NAV3: variants seen among roughly 807,000 people sequenced by gnomAD.
NAV3 encodes neuron navigator 3.
A neutral mutation model predicts 244.7 loss-of-function variants in NAV3; 87 were observed. The ratio of observed to expected loss-of-function variants is 0.36; its 90% CI spans 0.30 to 0.42. The LOEUF is 0.42. Among genes scored for constraint, NAV3 ranks in the 20% least tolerant of loss-of-function variants. The pLI is 1.00. For synonymous variants in NAV3, 1,126 were observed against 1,042.2 expected, an observed-to-expected ratio of 1.08 and a Z score of -1.55; for missense variants, 2,663 against 2,893.3, an observed-to-expected ratio of 0.92 and a Z score of 1.83.
chr12:77,631,415 C>T (rs1427006935), intron 2 of NAV3, among the ~76,000 whole-genome samples: 1 of 150,944 alleles, frequency 6.6e-6, no homozygotes, highest in Non-Finnish European at 1.5e-5. Flanking sequence ...ATCAGTGTTG[C>T]TTTAATTTGT....
intron 23 of NAV3, among the ~76,000 whole-genome samples, chr12:78,164,043 G>A (rs1474654471): frequency 6.6e-6 from 1 of 152,044 alleles, no homozygotes; most frequent in African/African-American, 2.4e-5. Context: ...AGTTGAGAAA[G>A]GCTCAACTTC....
chr12:78,031,353 T>G (rs1256339456), intron 9 of NAV3, among the ~76,000 whole-genome samples: 1 of 152,148 alleles, frequency 6.6e-6, no homozygotes, highest in East Asian at 1.9e-4. Context: ...GGGAGAATTC[T>G]CTGCTCATGT....
intron 4 of NAV3, among the ~76,000 whole-genome samples, chr12:77,966,580 A>G (rs1892537336): frequency 6.6e-6 from 1 of 152,130 alleles, no homozygotes; most frequent in South Asian, 2.1e-4. Flanking sequence ...ACTAGTTTAT[A>G]GTATAATTAG....
intron 20 of NAV3, among the ~76,000 whole-genome samples, chr12:78,140,771 G>A (rs988311123): frequency 3.3e-5 from 5 of 151,886 alleles, no homozygotes; most frequent in African/African-American, 2.4e-5. Flanking sequence ...GAGGATTATC[G>A]AAGGGTAAAA....
At chr12:77,895,738 GTT>G (rs11437920) in intron 1 of NAV3, among the ~76,000 whole-genome samples, 5 of 128,000 alleles carry the variant, frequency 3.9e-5, no homozygotes, top group Non-Finnish European at 8.4e-5. Flanking sequence ...GTACCCTCTT[GTT>G]TTTTTTTTTT....
rs1877945133 is a variant in NAV3 at position 77,853,904 on chromosome 12, ATAT to A, written c.243+22204_243+22206del. On this transcript the variant is annotated intron_variant, in intron 1 of 39. Coordinates refer to ENST00000397909, the MANE Select transcript of NAV3 (RefSeq NM_001024383.2). Reference sequence around the variant, plus strand: ...TTTTGTTCACTTATCTATTCAACACATATTATATGAATCCTATGACTTCTAAGT... The same window carrying A: ...TTTTGTTCACTTATCTATTCAACACATATATGAATCCTATGACTTCTAAGT... Among the ~76,000 whole-genome samples the A allele has an allele frequency of 3.3e-5, 5 of 152,208 alleles. No individual in the cohort carries two copies. The South Asian group carries it at 1.0e-3, about 32-fold the overall frequency.
At chr12:77,736,008 A>T (rs773219024) in intron 2 of NAV3, among the ~76,000 whole-genome samples, 4 of 152,216 alleles carry the variant, frequency 2.6e-5, no homozygotes, top group African/African-American at 4.8e-5. Context: ...ACTTGTTAAC[A>T]TGTCAAATAA....
At chr12:77,755,595 C>T (rs1361130076) in intron 2 of NAV3, among the ~76,000 whole-genome samples, 1 of 38,860 alleles carries the variant, frequency 2.6e-5, no homozygotes, top group Non-Finnish European at 4.5e-5. Flanking sequence ...CCCTCCCTCC[C>T]TCCCTCCCTC....
intron 12 of NAV3, among the ~76,000 whole-genome samples, chr12:78,076,023 A>G (rs746342998): frequency 5.3e-5 from 8 of 152,104 alleles, no homozygotes; most frequent in Non-Finnish European, 1.2e-4. Context: ...TTACCTCTTA[A>G]CATGCTTACT....
intron 12 of NAV3, among the ~76,000 whole-genome samples, chr12:78,088,437 C>G (rs1028764891): frequency 8.6e-5 from 13 of 151,978 alleles, no homozygotes; most frequent in Non-Finnish European, 1.8e-4. Context: ...GAGGGAAGAC[C>G]CAGTGATCAC....
intron 2 of NAV3, among the ~76,000 whole-genome samples, chr12:77,779,050 G>A (rs1245805596): frequency 6.6e-6 from 1 of 152,202 alleles, no homozygotes; most frequent in Non-Finnish European, 1.5e-5. Flanking sequence ...GTGCGACTCT[G>A]TAAATGTGAA....
At chr12:78,112,950 T>C (rs1419759182) in intron 12 of NAV3, among the ~76,000 whole-genome samples, 1 of 152,140 alleles carries the variant, frequency 6.6e-6, no homozygotes, top group Non-Finnish European at 1.5e-5. Flanking sequence ...AGTCATTGGG[T>C]AAATACACAG....
Position 78,031,035 on chromosome 12 carries a change from G to A in NAV3, c.2023+9173G>A, listed in dbSNP as rs191993562. 2.2e-3 allele frequency among the ~76,000 whole-genome samples: 328 copies of A among 152,270 alleles called. 4 individuals are homozygous for A. The highest frequency in any genetic ancestry group is 1.3e-3 in the Non-Finnish European group (91 of 68,018). On this transcript the variant is annotated intron_variant, in intron 9 of 39. Transcript: ENST00000397909. ...TTTATTGCTCATGGTTGCTGTAGGG[G>A]CCTCAGTGAGGAATAATTCTGCTTC...
intron 2 of NAV3, among the ~76,000 whole-genome samples, chr12:77,823,769 G>GA (rs771492888): frequency 6.6e-5 from 10 of 151,936 alleles, no homozygotes; most frequent in African/African-American, 2.2e-4. Flanking sequence ...ATCCAGGAGG[G>GA]AAAAAAATCC....
chr12:78,027,344 C>T (rs113359558), intron 9 of NAV3, among the ~76,000 whole-genome samples: 1 of 150,144 alleles, frequency 6.7e-6, no homozygotes, highest in African/African-American at 2.5e-5. Context: ...ACTCAGGAGG[C>T]TGAAGAGAGA....
At chr12:77,860,103 A>C (rs1879039306) in intron 1 of NAV3, among the ~76,000 whole-genome samples, 1 of 151,862 alleles carries the variant, frequency 6.6e-6, no homozygotes. Context: ...TGTAAGTAGC[A>C]TGCTTCTACT....
At chr12:77,885,473 T>G (rs1883174220) in intron 1 of NAV3, among the ~76,000 whole-genome samples, 2 of 152,162 alleles carry the variant, frequency 1.3e-5, no homozygotes, top group African/African-American at 4.8e-5. Flanking sequence ...CATGTTGGTT[T>G]GTTGCAATAA....
chr12:78,130,909 G>T lies in NAV3; in HGVS notation c.4441+2043G>T, dbSNP rs57098500. 458 of 182,362 alleles carry T rather than the reference G, an allele frequency of 2.5e-3. 3 individuals are homozygous for T. Among genetic ancestry groups the T allele is most frequent in the African/African-American group, 9.8e-3 (418 of 42,560 alleles). The allele number at this position is 182,362 out of a possible 1,614,324, so 11.3% of individuals were successfully genotyped here. A position where few individuals can be genotyped will look rare whatever the true frequency, so the allele number is the denominator to read the frequency against. ...CCAGGGCTTGGACAAAAATACATCT[G>T]TGTTGGCCAGCATCAGTGCCAAGGC... On this transcript the variant is annotated intron_variant, in intron 18 of 39. Coordinates refer to ENST00000397909, the MANE Select transcript of NAV3 (RefSeq NM_001024383.2).
chr12:77,665,903 A>G (rs995859796), intron 2 of NAV3, among the ~76,000 whole-genome samples: 1 of 152,218 alleles, frequency 6.6e-6, no homozygotes, highest in African/African-American at 2.4e-5. Flanking sequence ...AAATGAGGAA[A>G]AAGTACACAT....
Sources: allele counts gnomAD v4.1 joint callset (sites outside exome capture counted in the v4.1 genomes callset), GRCh38; gene constraint gnomAD v4.1.1; transcripts MANE v1.5; gene names NCBI Gene and HGNC (gene_info 2026-07-23, HGNC 2026-07-21).